Variants in EFCAB13 observed in about 807,000 individuals in gnomAD.
EFCAB13 encodes EF-hand calcium-binding domain-containing protein 13.
In EFCAB13, 91 loss-of-function variants were observed where a neutral mutation model predicts 110.2. That is an observed-to-expected ratio of 0.83 (90% CI 0.70 to 0.98). The LOEUF is 0.98. EFCAB13 is among the 50% of genes least tolerant of loss of function. The probability of loss-of-function intolerance (pLI) is 0.00; values close to 1 mark genes in which losing one functional copy is unlikely to be tolerated. For missense variants in EFCAB13, 968 were observed against 1,119.4 expected (o/e 0.86, Z 1.93); for synonymous variants, 323 against 369.9 (o/e 0.87, Z 1.45).
intron 5 of EFCAB13, among the ~76,000 whole-genome samples, chr17:47,336,542 C>T (rs1207135084): frequency 1.3e-5 from 2 of 151,636 alleles, no homozygotes; most frequent in Non-Finnish European, 1.5e-5. Flanking sequence ...CCGCCTGCTT[C>T]TGCCTCCCAA....
At chr17:47,385,329 G>A (rs1179310412) in intron 14 of EFCAB13, among the ~76,000 whole-genome samples, 1 of 151,942 alleles carries the variant, frequency 6.6e-6, no homozygotes, top group South Asian at 2.1e-4. Flanking sequence ...TTTCTTGGAG[G>A]CTTCGTTCAT....
chr17:47,419,350 T>C (rs899534672), intron 23 of EFCAB13, among the ~76,000 whole-genome samples: 5 of 152,054 alleles, frequency 3.3e-5, no homozygotes, highest in Admixed American at 2.0e-4. Flanking sequence ...TGGGAGGACA[T>C]TGGGGGAGGA....
chr17:47,358,740 A>G (rs919827878), intron 9 of EFCAB13, among the ~76,000 whole-genome samples: 1 of 152,142 alleles, frequency 6.6e-6, no homozygotes. Flanking sequence ...TCTCACCTCA[A>G]TAGTACACAC....
Position 47,361,480 on chromosome 17 carries a change from G to A in EFCAB13, c.764G>A (p.Arg255His), listed in dbSNP as rs201964228. ...GATAGCATGGGTATCCCTATAAACC[G>A]TGAAATTTTAGAAGAAGTGACAAAA... The part of the protein sequence containing the change: ...VLDSMGIPIN[R>H]EILEEVTKHT... The change falls in exon 10 of 25, where the codon CGT (arginine) becomes CAT (histidine). Residue 255 changes from arginine to histidine, a missense_variant. Physicochemically the swap from Arg to His is conservative, Grantham distance 29. Transcript: ENST00000331493. 3.4e-4 allele frequency: 542 copies of A among 1,612,670 alleles called. No individual in the cohort carries two copies. The Middle Eastern group carries it at 6.1e-3, about 18-fold the overall frequency.
chr17:47,428,238 A>C (rs1212108451), intron 23 of EFCAB13, among the ~76,000 whole-genome samples: 1 of 151,882 alleles, frequency 6.6e-6, no homozygotes, highest in Non-Finnish European at 1.5e-5. Flanking sequence ...TCTCCCCTAC[A>C]CCCGCTAAAC....
At chr17:47,328,451 A>G (rs2065300603) in intron 4 of EFCAB13, 68 bp downstream of exon 4, 2 of 1,271,504 alleles carry the variant, frequency 1.6e-6, no homozygotes, top group Non-Finnish European at 2.2e-6. Flanking sequence ...ACATTACCTC[A>G]TATTCATAAT....
chr17:47,376,340 G>A (rs1870898731), intron 12 of EFCAB13, among the ~76,000 whole-genome samples: 1 of 127,066 alleles, frequency 7.9e-6, no homozygotes, highest in Non-Finnish European at 1.7e-5. Flanking sequence ...TTAAAACCTT[G>A]GTTAAAGGAA....
chr17:47,390,416 GT>G (rs1321406460), intron 14 of EFCAB13, among the ~76,000 whole-genome samples: 1 of 151,602 alleles, frequency 6.6e-6, no homozygotes, highest in Non-Finnish European at 1.5e-5. Context: ...CTACTTTGAA[GT>G]TTTCTGATTA....
intron 23 of EFCAB13, among the ~76,000 whole-genome samples, chr17:47,425,862 G>A (rs1414443952): frequency 1.3e-5 from 2 of 152,154 alleles, no homozygotes; most frequent in Non-Finnish European, 2.9e-5. Context: ...CAGAACTATC[G>A]TAAACGCAAA....
intron 9 of EFCAB13, among the ~76,000 whole-genome samples, chr17:47,354,332 T>C (rs2065468857): frequency 6.6e-6 from 1 of 152,234 alleles, no homozygotes. Context: ...TGCTGATGAA[T>C]AGAATTCATA....
At chr17:47,391,654 A>G (rs1265595513) in intron 15 of EFCAB13, 74 bp downstream of exon 15, 101 of 1,324,592 alleles carry the variant, frequency 7.6e-5, no homozygotes, top group Non-Finnish European at 3.0e-6. Context: ...TTTTTCTTAG[A>G]AAAATGACTA....
Position 47,344,270 on chromosome 17 carries a change from T to C in EFCAB13, c.412T>C (p.Cys138Arg). Residue 138 changes from cysteine to arginine, a missense_variant, in exon 7 of 25, where the codon TGT becomes CGT. Physicochemically the swap from Cys to Arg is radical, Grantham distance 180 (BLOSUM62 -3). Transcript: ENST00000331493. ...CGTTCACAAGACTTCATCACCTCTTTGTACATCTTCTGCAATTACTCGGTA... is the reference window on the plus strand; with the variant it reads ...CGTTCACAAGACTTCATCACCTCTTCGTACATCTTCTGCAATTACTCGGTA... ...YSVHKTSSPLCTSSAITREKE... is the reference protein window; with the variant it reads ...YSVHKTSSPLRTSSAITREKE... The C allele has an allele frequency of 6.2e-7, 1 of 1,612,432 alleles. No individual in the cohort carries two copies. Among genetic ancestry groups the C allele is most frequent in the South Asian group, 1.1e-5 (1 of 90,876 alleles).
intron 2 of EFCAB13, among the ~76,000 whole-genome samples, chr17:47,325,962 A>ATATATATATATC (rs2065283472): frequency 9.3e-6 from 1 of 107,106 alleles, no homozygotes; most frequent in Non-Finnish European, 1.9e-5. Flanking sequence ...ATATATATAT[A>ATATATATATATC]GCATATATAT....
At chr17:47,425,883 T>C (rs1328314540) in intron 23 of EFCAB13, among the ~76,000 whole-genome samples, 1 of 152,156 alleles carries the variant, frequency 6.6e-6, no homozygotes, top group Non-Finnish European at 1.5e-5. Flanking sequence ...TTGGACATAA[T>C]TTTGAATCTA....
intron 23 of EFCAB13, chr17:47,423,671 T>C (rs1904809007): frequency 2.3e-6 from 1 of 433,120 alleles, no homozygotes; most frequent in Non-Finnish European, 3.8e-6. Context: ...GCGCGCGGGG[T>C]CCGCACGACG....
intron 9 of EFCAB13, among the ~76,000 whole-genome samples, chr17:47,357,103 T>C (rs1193351095): frequency 1.3e-5 from 2 of 152,120 alleles, no homozygotes. Flanking sequence ...TAGCACCGAG[T>C]TTATTTCCAG....
rs115630705 is a variant in EFCAB13, at chr17:47,422,038, T to C, written c.2494+7119T>C. Among the ~76,000 whole-genome samples, 1,110 of 152,138 alleles carry C rather than the reference T, an allele frequency of 7.3e-3. 12 individuals carry two copies. Among genetic ancestry groups the C allele is most frequent in the African/African-American group, 0.025 (1,050 of 41,514 alleles). ...ATTCAGTCCCCATCATGACCACAAA[T>C]GGGGAAAGCTTTAATAAAATAGGAT... On this transcript the variant is annotated intron_variant, in intron 23 of 24. Transcript: ENST00000331493.
At chr17:47,415,174 G>A (rs1904396233) in intron 23 of EFCAB13, among the ~76,000 whole-genome samples, 1 of 152,048 alleles carries the variant, frequency 6.6e-6, no homozygotes, top group African/African-American at 2.4e-5. Context: ...ACTCATAGGT[G>A]GGAATTGAAC....
chr17:47,405,974 T>G (rs2065803254), intron 20 of EFCAB13, among the ~76,000 whole-genome samples: 1 of 152,144 alleles, frequency 6.6e-6, no homozygotes. Context: ...TTAGTGAAAC[T>G]TTGGTGTATC....
Sources: allele counts gnomAD v4.1 joint callset (sites outside exome capture counted in the v4.1 genomes callset), GRCh38; gene constraint gnomAD v4.1.1; transcripts MANE v1.5; gene names NCBI Gene and HGNC (gene_info 2026-07-23, HGNC 2026-07-21).